Variants in PPP1R12C observed in about 807,000 individuals in gnomAD.
PPP1R12C encodes the protein protein phosphatase 1 regulatory subunit 12C.
A neutral mutation model predicts 95.6 loss-of-function variants in PPP1R12C; 48 were observed. That is an observed-to-expected ratio of 0.50 (90% CI 0.40 to 0.64). The LOEUF (loss-of-function observed/expected upper bound fraction) is 0.64, where lower values mean the gene tolerates loss of function less well. PPP1R12C is among the 30% of genes least tolerant of loss of function. The pLI is 0.00. For missense variants in PPP1R12C, 1,057 were observed against 1,083.3 expected (o/e 0.98, Z 0.34); for synonymous variants, 480 against 460.8 (o/e 1.04, Z -0.53).
chr19:55,117,597 A>ACCAC lies in PPP1R12C; in HGVS notation c.-58_-55dup, dbSNP rs1220289060. The ACCAC allele has an allele frequency of 7.5e-6, 7 of 931,710 alleles. No homozygotes were observed. The African/African-American group carries it at 7.8e-5, about 10-fold the overall frequency. The allele number at this position is 931,710 out of a possible 1,614,324, so 57.7% of individuals were successfully genotyped here. On this transcript the variant is annotated 5_prime_UTR_variant, in exon 1 of 22. Transcript: ENST00000263433. ...CGAGCGCCGAGCCCCAACCGCCGCCACCACCCGCCCGCCCGCCCGCCCCGG... is the reference window on the plus strand; with the variant it reads ...CGAGCGCCGAGCCCCAACCGCCGCCACCACCCACCCGCCCGCCCGCCCGCCCCGG...
intron 4 of PPP1R12C, among the ~76,000 whole-genome samples, chr19:55,099,923 G>A (rs1162906360): frequency 6.6e-6 from 1 of 152,204 alleles, no homozygotes; most frequent in Non-Finnish European, 1.5e-5. Flanking sequence ...TCACAAAGTG[G>A]GAACAGATGG....
chr19:55,092,992 G>T, intron 15 of PPP1R12C, 24 bp downstream of exon 15: 1 of 1,564,292 alleles, frequency 6.4e-7, no homozygotes. Context: ...CCCTGGGAAT[G>T]ACCTCCCCGA....
At chr19:55,094,969 C>A in intron 11 of PPP1R12C, 171 bp from the exon 12 acceptor site, 1 of 803,296 alleles carries the variant, frequency 1.2e-6, no homozygotes. Context: ...ACTACGCAAC[C>A]GGTCAGAAGG....
chr19:55,092,855 G>C lies in PPP1R12C; in HGVS notation c.1839C>G (p.Asp613Glu). ...CCGCCTGCGGTCCCGGACCCTGCCCGTCGGGCGCCTCTGCTGGGGGAGGGG... is the reference window on the plus strand; with the variant it reads ...CCGCCTGCGGTCCCGGACCCTGCCCCTCGGGCGCCTCTGCTGGGGGAGGGG... Reference protein sequence around the residue: ...DSPAQRAEAPDGQGPGPQAAR... With the variant: ...DSPAQRAEAPEGQGPGPQAAR... Residue 613 changes from aspartate to glutamate, a missense_variant, in exon 16 of 22, where the codon GAC becomes GAG. By Grantham distance (45) the Asp-to-Glu change is conservative. Transcript: ENST00000263433. The C allele has an allele frequency of 1.3e-6, 2 of 1,581,414 alleles. No homozygotes were observed. Among genetic ancestry groups the C allele is most frequent in the Middle Eastern group, 1.8e-4 (1 of 5,616 alleles).
chr19:55,101,185 T>C (rs1602988880), intron 4 of PPP1R12C, among the ~76,000 whole-genome samples: 1 of 151,808 alleles, frequency 6.6e-6, no homozygotes, highest in South Asian at 2.1e-4. Flanking sequence ...GGGACAGAGG[T>C]TGCAGTGAGC....
intron 4 of PPP1R12C, among the ~76,000 whole-genome samples, chr19:55,099,372 G>C (rs961942867): frequency 6.6e-6 from 1 of 152,240 alleles, no homozygotes; most frequent in African/African-American, 2.4e-5. Context: ...CACCCTGGCT[G>C]TGGGATTCCA....
rs760652845 is a variant in PPP1R12C at position 55,093,076 on chromosome 19, C to G, written c.1765G>C (p.Asp589His). 6.2e-6 allele frequency: 10 copies of G among 1,607,118 alleles called. No individual in the cohort carries two copies. The highest frequency in any genetic ancestry group is 8.5e-6 in the Non-Finnish European group (10 of 1,177,638). Residue 589 changes from aspartate to histidine, a missense_variant and splice_region_variant, in exon 15 of 22, where the codon GAC becomes CAC. By Grantham distance (81) the Asp-to-His change is moderately conservative (BLOSUM62 -1). Around this residue, in one of 5 missense-constraint regions of PPP1R12C, gnomAD observed 347 missense variants for 307.9 expected, o/e 1.13. Transcript: ENST00000263433. ...GGGACGCGGGGCCTTCGGGAAGGGT[C>G]CTGTCGGGAGGGGGAGGCGAGTCAG... ...PESEKPAQSL[D>H]PSRRPRVPGV...
At chr19:55,094,893 G>C in intron 11 of PPP1R12C, 95 bp from the exon 12 acceptor site, 1 of 1,380,148 alleles carries the variant, frequency 7.2e-7, no homozygotes, top group South Asian at 1.2e-5. Flanking sequence ...AATTATCTGG[G>C]CCACAACAGA....
intron 1 of PPP1R12C, chr19:55,113,455 T>G (rs1322650623): frequency 2.7e-6 from 4 of 1,486,514 alleles, no homozygotes; most frequent in African/African-American, 1.4e-5. Flanking sequence ...CACGGGGCCC[T>G]GCAGCCAGGG....
At chr19:55,112,613 G>A (rs2085109940) in intron 2 of PPP1R12C, 28 bp from the exon 3 acceptor site, 2 of 1,612,220 alleles carry the variant, frequency 1.2e-6, no homozygotes, top group East Asian at 2.2e-5. Context: ...TCAGGGCTGA[G>A]GGTCCAGGCC....
Position 55,095,614 on chromosome 19 carries a change from G to A in PPP1R12C, c.1228-11C>T, listed in dbSNP as rs773941736. ...GGCCTCTTCAAGCTGCTGGGAGAAG[G>A]AGGAGGTCTCAGTTAGAGAGAAAGG... On this transcript the variant is annotated splice_polypyrimidine_tract_variant and intron_variant, in intron 9 of 21. Transcript: ENST00000263433. The A allele has an allele frequency of 2.0e-5, 31 of 1,547,804 alleles. No homozygotes were observed. Among genetic ancestry groups the A allele is most frequent in the Non-Finnish European group, 2.6e-5 (30 of 1,151,516 alleles).
Position 55,091,346 on chromosome 19 carries a change from G to A in PPP1R12C, c.*126C>T, listed in dbSNP as rs1910946843. The A allele has an allele frequency of 2.0e-6, 2 of 1,024,836 alleles. No homozygotes were observed. The highest frequency in any genetic ancestry group is 2.9e-6 in the Non-Finnish European group (2 of 699,338). 63.5% of individuals were successfully genotyped at this position (1,024,836 alleles called of 1,614,324 possible). On this transcript the variant is annotated 3_prime_UTR_variant, in exon 22 of 22. Transcript: ENST00000263433. ...ACTCTGCTCCCCTCCCAGTCCGGAGGTCCCAGGGGGGCTATGGCTTCTCTG... is the reference window on the plus strand; with the variant it reads ...ACTCTGCTCCCCTCCCAGTCCGGAGATCCCAGGGGGGCTATGGCTTCTCTG...
chr19:55,112,271 G>C (rs905944045), intron 3 of PPP1R12C, 196 bp downstream of exon 3: 1 of 518,896 alleles, frequency 1.9e-6, no homozygotes, highest in African/African-American at 1.9e-5. Context: ...CATCCTGTGC[G>C]TGTGCTGGGC....
chr19:55,098,661 G>A, intron 6 of PPP1R12C, 123 bp downstream of exon 6: 2 of 1,235,714 alleles, frequency 1.6e-6, no homozygotes, highest in East Asian at 2.4e-5. Flanking sequence ...CACCAAGAGG[G>A]AAATAGCAGG....
intron 4 of PPP1R12C, among the ~76,000 whole-genome samples, chr19:55,100,604 TGTTTTGTTTTGGTTTG>T (rs1460667440): frequency 6.6e-6 from 1 of 152,234 alleles, no homozygotes; most frequent in Non-Finnish European, 1.5e-5. Flanking sequence ...AATGTTTTTT[TGTTTTGTTTTGGTTTG>T]GTTTTGTTTT....
chr19:55,106,807 G>A (rs1006851307), intron 3 of PPP1R12C, among the ~76,000 whole-genome samples: 3 of 152,134 alleles, frequency 2.0e-5, no homozygotes, highest in African/African-American at 7.2e-5. Flanking sequence ...CCATAGCCTG[G>A]CTCCAGGGTG....
At position 55,095,441 on chromosome 19, in the gene PPP1R12C, T is replaced by C. The variant is rs372785320; in HGVS notation, c.1386+4A>G. The C allele has an allele frequency of 2.6e-6, 4 of 1,560,914 alleles. No homozygotes were observed. Among genetic ancestry groups the C allele is most frequent in the Non-Finnish European group, 2.6e-6 (3 of 1,152,926 alleles). The stretch of plus-strand genomic sequence containing the variant: ...GGCCTGGACCCGGCCCAACCCTCAC[T>C]CACCTGAGTGGAGGTCCCTTCCAGC... On this transcript the variant is annotated splice_donor_region_variant and intron_variant, in intron 10 of 21. Coordinates refer to ENST00000263433, the MANE Select transcript of PPP1R12C (RefSeq NM_017607.4).
At chr19:55,106,519 G>T (rs902186237) in intron 3 of PPP1R12C, among the ~76,000 whole-genome samples, 1 of 152,210 alleles carries the variant, frequency 6.6e-6, no homozygotes, top group African/African-American at 2.4e-5. Flanking sequence ...CTGCCTCCAA[G>T]GGTAACTCCC....
Position 55,117,378 on chromosome 19 carries a change from G to A in PPP1R12C, c.166C>T (p.Leu56=). 9.2e-7 allele frequency: 1 copy of A among 1,089,782 alleles called. No individual in the cohort carries two copies. Among genetic ancestry groups the A allele is most frequent in the Non-Finnish European group, 1.1e-6 (1 of 898,920 alleles). 67.5% of individuals were successfully genotyped at this position (1,089,782 alleles called of 1,614,324 possible). A position where few individuals can be genotyped will look rare whatever the true frequency, so the allele number is the denominator to read the frequency against. ...AGGTCGCCGCCCGCACAGGCCGCCAGGAACTCGGCGGCGCGCTCGAAGCGG... is the reference window on the plus strand; with the variant it reads ...AGGTCGCCGCCCGCACAGGCCGCCAAGAACTCGGCGGCGCGCTCGAAGCGG... ...TVRFERAAEF[L]AACAGGDLDE... Residue 56 remains leucine, a synonymous_variant, in exon 1 of 22, where the codon CTG becomes TTG. Transcript: ENST00000263433.
Sources: gnomAD v4.1 joint callset for allele counts (sites outside exome capture counted in the v4.1 genomes callset) on GRCh38, gnomAD v4.1.1 for gene constraint, gnomAD v4.1.1 regional missense constraint, MANE v1.5 for transcripts, NCBI Gene and HGNC (gene_info 2026-07-23, HGNC 2026-07-21) for gene names.